BICDL1: variants seen among roughly 807,000 people sequenced by gnomAD.
The protein encoded by BICDL1 is BICD family-like cargo adapter 1.
BICDL1 carries 20 observed loss-of-function variants against 76.8 expected under a neutral mutation model. The ratio of observed to expected loss-of-function variants is 0.26; its 90% CI spans 0.18 to 0.38. The LOEUF is 0.38. Ranked by LOEUF, BICDL1 falls within the 10% of genes least tolerant of loss-of-function variation. BICDL1 has a pLI of 1.00. For synonymous variants in BICDL1, 383 were observed against 337.1 expected (o/e 1.14, Z -1.49); for missense variants, 700 against 798.6 (o/e 0.88, Z 1.49).
intron 9 of BICDL1, chr12:120,092,739 CTG>C: frequency 1.0e-6 from 1 of 985,438 alleles, no homozygotes; most frequent in Middle Eastern, 5.2e-4. Flanking sequence ...CAGCTGAGGA[CTG>C]TGGCGGCCCA....
rs1298994784 is a variant in BICDL1 at position 119,989,951 on chromosome 12, C to T, written c.83C>T (p.Ala28Val). 1 of 1,465,984 alleles carries T rather than the reference C, an allele frequency of 6.8e-7. No homozygotes were observed. Among genetic ancestry groups the T allele is most frequent in the Admixed American group, 2.7e-5 (1 of 36,798 alleles). The allele number at this position is 1,465,984 out of a possible 1,614,324, so 90.8% of individuals were successfully genotyped here. Residue 28 changes from alanine (A) to valine (V), a missense_variant, in exon 1 of 10, where the codon GCC (alanine) becomes GTC (valine). By Grantham distance (64) the Ala-to-Val change is moderately conservative. This residue lies in a region of BICDL1 where 225 missense variants were observed against 199.6 expected (regional missense o/e 1.13). Coordinates refer to ENST00000548673, the MANE Select transcript of BICDL1 (RefSeq NM_001367886.1). The part of the protein sequence containing the change: ...PDSACCMELP[A>V]AAGDAVRSPA... The stretch of plus-strand genomic sequence containing the variant: ...AGCGCCTGCTGCATGGAGCTGCCCG[C>T]CGCGGCCGGGGACGCAGTCCGGAGT...
intron 2 of BICDL1, among the ~76,000 whole-genome samples, chr12:120,053,905 G>A (rs1340188640): frequency 1.3e-5 from 2 of 152,006 alleles, no homozygotes; most frequent in East Asian, 1.9e-4. Flanking sequence ...AGGTGCAGTG[G>A]CTCACCCCTG....
chr12:120,021,854 G>A (rs1952189439), intron 2 of BICDL1, among the ~76,000 whole-genome samples: 2 of 150,132 alleles, frequency 1.3e-5, no homozygotes, highest in Non-Finnish European at 3.0e-5. Context: ...GCAGTGAACC[G>A]AGATTGCACC....
chr12:120,087,736 G>A (rs1391049571), intron 8 of BICDL1, among the ~76,000 whole-genome samples: 3 of 152,054 alleles, frequency 2.0e-5, no homozygotes, highest in African/African-American at 7.2e-5. Flanking sequence ...CCCTGCCCTC[G>A]AAAAAAATTA....
intron 2 of BICDL1, among the ~76,000 whole-genome samples, chr12:120,029,000 C>A (rs529028732): frequency 1.3e-4 from 20 of 152,298 alleles, no homozygotes; most frequent in African/African-American, 4.8e-4. Context: ...GGGCAACTAA[C>A]TTAGGAAAAA....
chr12:120,019,826 A>T (rs1184199565), intron 2 of BICDL1, among the ~76,000 whole-genome samples: 1 of 152,220 alleles, frequency 6.6e-6, no homozygotes, highest in Non-Finnish European at 1.5e-5. Context: ...AATATCATAC[A>T]ACCCAAGAAC....
Position 120,072,539 on chromosome 12 carries a change from G to A in BICDL1, c.1118G>A (p.Cys373Tyr). Residue 373 changes from cysteine to tyrosine, a missense_variant, in exon 6 of 10, where the codon TGC becomes TAC. This residue lies in a region of BICDL1 where 455 missense variants were observed against 548.7 expected (regional missense o/e 0.83). Coordinates refer to ENST00000548673, the MANE Select transcript of BICDL1 (RefSeq NM_001367886.1). The part of the protein sequence containing the change: ...QLRLQLWEAY[C>Y]QVRYLCSHLR... ...AGACTGCAGCTCTGGGAAGCCTACT[G>A]CCAGGTTCGCTATCTGTGCTCACAC... The A allele has an allele frequency of 6.2e-7, 1 of 1,614,148 alleles. No homozygotes were observed. Among genetic ancestry groups the A allele is most frequent in the East Asian group, 2.2e-5 (1 of 44,876 alleles).
At chr12:119,996,977 C>A (rs1951662638) in intron 1 of BICDL1, among the ~76,000 whole-genome samples, 1 of 147,722 alleles carries the variant, frequency 6.8e-6, no homozygotes, top group African/African-American at 2.5e-5. Flanking sequence ...GAGACGGAGT[C>A]TCGCTCCGTC....
intron 2 of BICDL1, among the ~76,000 whole-genome samples, chr12:120,010,534 A>G (rs1359482996): frequency 6.6e-6 from 1 of 152,192 alleles, no homozygotes; most frequent in Non-Finnish European, 1.5e-5. Context: ...TTGGAAAACC[A>G]TTGGTTTCAA....
At chr12:120,080,802 C>G in intron 7 of BICDL1, 85 bp from the exon 8 acceptor site, 3 of 1,509,210 alleles carry the variant, frequency 2.0e-6, no homozygotes, top group Non-Finnish European at 2.7e-6. Flanking sequence ...CTGGTCCTGC[C>G]TGGGGTCTCT....
In BICDL1 at chr12:120,030,306, A is replaced by T. The variant is rs146132270; in HGVS notation, c.646-31404A>T. Among the ~76,000 whole-genome samples, 1,392 of 152,350 alleles carry T rather than the reference A, an allele frequency of 9.1e-3. 17 individuals are homozygous for T. Among genetic ancestry groups the T allele is most frequent in the Middle Eastern group, 0.044 (13 of 294 alleles). On this transcript the variant is annotated intron_variant, in intron 2 of 9. Transcript: ENST00000548673. ...TTGATCTGGAAATGAGGCGAGATGT[A>T]GATTATTAATGTAGCCCCATGATTT...
Position 119,990,210 on chromosome 12 carries a change from C to T in BICDL1, c.342C>T (p.Ala114=). 2 of 1,568,292 alleles carry T rather than the reference C, an allele frequency of 1.3e-6. No homozygotes were observed. The highest frequency in any genetic ancestry group is 1.7e-6 in the Non-Finnish European group (2 of 1,157,366). ...AGGAGAAGGATCTGGTGTTGGCGGC[C>T]CGGCTGGGTAAGGCGCTGCTCGAGA... ...RQKEKDLVLA[A]RLGKALLERN... is the part of the protein sequence containing the mutation. The change falls in exon 1 of 10, where the codon GCC becomes GCT. Residue 114 remains alanine, a synonymous_variant. Coordinates refer to ENST00000548673, the MANE Select transcript of BICDL1 (RefSeq NM_001367886.1).
chr12:120,032,333 T>A (rs928985805), intron 2 of BICDL1, among the ~76,000 whole-genome samples: 10 of 152,196 alleles, frequency 6.6e-5, no homozygotes, highest in South Asian at 4.1e-4. Flanking sequence ...TTTTTAAAAA[T>A]TTTTTATTTT....
intron 2 of BICDL1, among the ~76,000 whole-genome samples, chr12:120,010,654 C>T (rs1209696195): frequency 1.3e-5 from 2 of 152,228 alleles, no homozygotes; most frequent in Non-Finnish European, 2.9e-5. Flanking sequence ...TTCCTGTCCC[C>T]TTCCCCATTT....
At chr12:120,063,586 G>T (rs891707336) in intron 3 of BICDL1, among the ~76,000 whole-genome samples, 1 of 152,072 alleles carries the variant, frequency 6.6e-6, no homozygotes, top group Non-Finnish European at 1.5e-5. Context: ...TTCTAAGGTT[G>T]GTCCCCAAAA....
At chr12:120,022,794 A>G (rs1952210773) in intron 2 of BICDL1, among the ~76,000 whole-genome samples, 1 of 152,176 alleles carries the variant, frequency 6.6e-6, no homozygotes, top group South Asian at 2.1e-4. Flanking sequence ...CTGTAGCACC[A>G]GAAGCAGAAA....
chr12:120,093,917 TC>T lies in BICDL1; in HGVS notation c.*760del. 1 of 285,724 alleles carries T rather than the reference TC, an allele frequency of 3.5e-6. No homozygotes were observed. The highest frequency in any genetic ancestry group is 3.3e-5 in the South Asian group (1 of 30,758). 17.7% of individuals were successfully genotyped at this position (285,724 alleles called of 1,614,324 possible). The stretch of plus-strand genomic sequence containing the variant: ...TGCAGGCTTTAGCCATCCAGCCCTT[TC>T]CCCTGCTCAGGGCTGGGGTTGGACG... On this transcript the variant is annotated 3_prime_UTR_variant, in exon 10 of 10. Transcript: ENST00000548673.
intron 2 of BICDL1, among the ~76,000 whole-genome samples, chr12:120,052,225 C>T (rs1363157167): frequency 6.6e-6 from 1 of 151,610 alleles, no homozygotes; most frequent in African/African-American, 2.4e-5. Context: ...TACAGGCATG[C>T]CTTGTTTTTC....
chr12:120,089,505 C>T (rs1159511955), intron 8 of BICDL1, among the ~76,000 whole-genome samples: 3 of 152,134 alleles, frequency 2.0e-5, no homozygotes, highest in Non-Finnish European at 4.4e-5. Flanking sequence ...CCTGCCTCAG[C>T]CCGAGTAACT....
Sources: gnomAD v4.1 joint callset for allele counts (sites outside exome capture counted in the v4.1 genomes callset) on GRCh38, gnomAD v4.1.1 for gene constraint, gnomAD v4.1.1 regional missense constraint, MANE v1.5 for transcripts, NCBI Gene and HGNC (gene_info 2026-07-23, HGNC 2026-07-21) for gene names.